The following NAALADL2 variants were observed in gnomAD, a reference collection of about 807,000 sequenced individuals.
The protein encoded by NAALADL2 is N-acetylated alpha-linked acidic dipeptidase like 2.
Under a neutral mutation model 87.2 loss-of-function variants are expected in NAALADL2, and 76 were observed. The ratio of observed to expected loss-of-function variants is 0.87; its 90% confidence interval spans 0.72 to 1.05. NAALADL2 has a LOEUF of 1.05. Ranked by LOEUF, NAALADL2 falls within the 50% of genes least tolerant of loss-of-function variation. The pLI is 0.00. For missense variants in NAALADL2, 1,089 were observed against 945.8 expected (o/e 1.15, Z -1.99); for synonymous variants, 354 against 331.0 (o/e 1.07, Z -0.75).
chr3:174,901,618 A>G (rs902844861), intron 1 of NAALADL2, among the ~76,000 whole-genome samples: 1 of 152,078 alleles, frequency 6.6e-6, no homozygotes, highest in African/African-American at 2.4e-5. Flanking sequence ...GTTTTTTTTC[A>G]GTAAACCTTG....
rs1726526252 is a variant in NAALADL2, at chr3:174,861,688, G to A, written c.43+2238G>A. 5.3e-5 allele frequency among the ~76,000 whole-genome samples: 8 copies of A among 152,064 alleles called. No individual in the cohort carries two copies. The South Asian group carries it at 1.7e-3, about 32-fold the overall frequency. On this transcript the variant is annotated intron_variant, in intron 1 of 13. Transcript: ENST00000454872. Reference sequence around the variant, plus strand: ...GTGCTTTGAATAATGATTTTCTAAGGCCATGTATCTAGATTTTCTAGATTC... The same window carrying A: ...GTGCTTTGAATAATGATTTTCTAAGACCATGTATCTAGATTTTCTAGATTC...
intron 10 of NAALADL2, among the ~76,000 whole-genome samples, chr3:175,600,248 C>T (rs1008902547): frequency 6.6e-6 from 1 of 151,120 alleles, no homozygotes; most frequent in Non-Finnish European, 1.5e-5. Flanking sequence ...TTCTTTTATC[C>T]CCTTAGTCTC....
intron 10 of NAALADL2, among the ~76,000 whole-genome samples, chr3:175,591,356 A>G (rs1721423311): frequency 6.6e-6 from 1 of 152,208 alleles, no homozygotes; most frequent in Non-Finnish European, 1.5e-5. Flanking sequence ...GTTTCCTAAA[A>G]GCATTTGTTC....
chr3:175,729,074 T>A (rs1445910623), intron 11 of NAALADL2, among the ~76,000 whole-genome samples: 2 of 152,136 alleles, frequency 1.3e-5, no homozygotes, highest in Non-Finnish European at 2.9e-5. Flanking sequence ...TTGTTTAGAG[T>A]GGAATAGAAA....
At chr3:175,521,174 GT>G (rs1732603971) in intron 9 of NAALADL2, among the ~76,000 whole-genome samples, 1 of 151,566 alleles carries the variant, frequency 6.6e-6, no homozygotes, top group South Asian at 2.1e-4. Context: ...GACTTTATTT[GT>G]CTCAAGGGAG....
rs193040417 is a variant in NAALADL2, at chr3:174,650,353, T to C, written c.-114-87288T>C. Among the ~76,000 whole-genome samples, 370 of 152,268 alleles carry C rather than the reference T, an allele frequency of 2.4e-3. 1 individual carries two copies. Among genetic ancestry groups the C allele is most frequent in the African/African-American group, 8.5e-3 (353 of 41,570 alleles). ...AGGCAAAACACCATATATCCATTTCTTTTCTTAGAAATCCACAGCTTATGT... is the reference window on the plus strand; with the variant it reads ...AGGCAAAACACCATATATCCATTTCCTTTCTTAGAAATCCACAGCTTATGT... On this transcript the variant is annotated intron_variant, in intron 2 of 3. Coordinates refer to the NAALADL2 transcript ENST00000434257.
chr3:175,436,347 G>A (rs2149181676), intron 5 of NAALADL2, among the ~76,000 whole-genome samples: 1 of 149,730 alleles, frequency 6.7e-6, no homozygotes, highest in African/African-American at 2.5e-5. Context: ...ATGATTTATG[G>A]TCTTTTGGGT....
chr3:175,469,411 C>T (rs1331619916), intron 8 of NAALADL2, among the ~76,000 whole-genome samples: 1 of 151,972 alleles, frequency 6.6e-6, no homozygotes, highest in African/African-American at 2.4e-5. Flanking sequence ...GAGGAAAGCC[C>T]TTATTGACAT....
chr3:174,447,078 T>C (rs1305538462), intron 1 of NAALADL2, among the ~76,000 whole-genome samples: 1 of 152,238 alleles, frequency 6.6e-6, no homozygotes, highest in African/African-American at 2.4e-5. Flanking sequence ...GTGAAAATAC[T>C]TGTGTTACTG....
chr3:175,783,979 G>T (rs1002757763), intron 13 of NAALADL2, among the ~76,000 whole-genome samples: 17 of 140,780 alleles, frequency 1.2e-4, no homozygotes, highest in Admixed American at 2.1e-4. Flanking sequence ...TTTTGTCTTT[G>T]GCTCTGTTTA....
At chr3:174,456,396 C>G (rs1425271306) in intron 1 of NAALADL2, among the ~76,000 whole-genome samples, 1 of 98,180 alleles carries the variant, frequency 1.0e-5, no homozygotes, top group South Asian at 3.1e-4. Context: ...AATCAACAGC[C>G]AAGGCAATCC....
At chr3:175,324,394 G>A in intron 5 of NAALADL2, 69 bp downstream of exon 5, 1 of 1,232,936 alleles carries the variant, frequency 8.1e-7, no homozygotes, top group Non-Finnish European at 1.1e-6. Context: ...ATAAATAAAT[G>A]CTATCTATCA....
chr3:175,698,490 TATATATATATATAA>T (rs1738481693), intron 11 of NAALADL2, among the ~76,000 whole-genome samples: 1 of 143,440 alleles, frequency 7.0e-6, no homozygotes, highest in African/African-American at 2.6e-5. Context: ...TATTTATATA[TATATATATATATAA>T]AATCTCCAAG....
At position 175,429,034 on chromosome 3, in the gene NAALADL2, G is replaced by A. The variant is rs143749363; in HGVS notation, c.1091-18195G>A. ...ATGAATGATATTGGTTTTTTCTGGAGAGGGATGGAGGGAGGGCAGTAGTTC... is the reference window on the plus strand; with the variant it reads ...ATGAATGATATTGGTTTTTTCTGGAAAGGGATGGAGGGAGGGCAGTAGTTC... On this transcript the variant is annotated intron_variant, in intron 5 of 13. Transcript: ENST00000454872. Among the ~76,000 whole-genome samples, 22 of 152,038 alleles carry A rather than the reference G, an allele frequency of 1.4e-4. No individual in the cohort carries two copies. In the East Asian group the frequency reaches 4.2e-3, roughly 29 times the overall value.
rs141864862 is a variant in NAALADL2, at chr3:174,669,780, A to G, written c.-114-67861A>G. 4.8e-3 allele frequency among the ~76,000 whole-genome samples: 737 copies of G among 152,122 alleles called. 4 individuals carry two copies. Among genetic ancestry groups the G allele is most frequent in the Non-Finnish European group, 6.0e-3 (410 of 67,968 alleles). ...TTTTTCTATTTTTGCAAAAAATGCC[A>G]TTGTGATTTTTGATACATAGTTAAT... On this transcript the variant is annotated intron_variant, in intron 2 of 3. Transcript: ENST00000434257.
intron 2 of NAALADL2, among the ~76,000 whole-genome samples, chr3:174,728,738 A>G (rs1164499714): frequency 1.3e-5 from 2 of 152,056 alleles, no homozygotes; most frequent in African/African-American, 4.8e-5. Flanking sequence ...TGGGACTGAA[A>G]CTCAGATCAA....
intron 5 of NAALADL2, among the ~76,000 whole-genome samples, chr3:175,368,098 C>T (rs1430905054): frequency 6.6e-6 from 1 of 152,138 alleles, no homozygotes; most frequent in African/African-American, 2.4e-5. Context: ...GCCTTTTCTG[C>T]ATCTATTGAG....
intron 2 of NAALADL2, among the ~76,000 whole-genome samples, chr3:175,174,795 A>T (rs79397485): frequency 7.6e-6 from 1 of 131,164 alleles, no homozygotes; most frequent in African/African-American, 2.5e-5. Context: ...GTGTATATAT[A>T]TGTGTGTGTG....
intron 2 of NAALADL2, among the ~76,000 whole-genome samples, chr3:174,608,963 C>A (rs1719452469): frequency 6.6e-6 from 1 of 151,134 alleles, no homozygotes; most frequent in African/African-American, 2.4e-5. Context: ...AGCTTATCCA[C>A]CATGATCAAG....
Sources: allele counts gnomAD v4.1 joint callset (sites outside exome capture counted in the v4.1 genomes callset), GRCh38; gene constraint gnomAD v4.1.1; transcripts MANE v1.5; gene names NCBI Gene and HGNC (gene_info 2026-07-23, HGNC 2026-07-21).